NBN: variants seen among roughly 807,000 people sequenced by gnomAD.
The protein encoded by NBN is Nijmegen breakage syndrome 1 (nibrin).
NBN carries 88 observed loss-of-function variants against 90.8 expected under a neutral mutation model. The observed-to-expected ratio is 0.97, with a 90% confidence interval of 0.82 to 1.16. The LOEUF is 1.16. Ranked by LOEUF, NBN falls within the 50% of genes most tolerant of loss-of-function variation. NBN has a pLI of 0.00. For missense variants in NBN, 894 were observed against 869.6 expected (o/e 1.03, Z -0.35); for synonymous variants, 328 against 295.1 (o/e 1.11, Z -1.14).
intron 14 of NBN, among the ~76,000 whole-genome samples, chr8:89,937,795 T>G (rs1208751650): frequency 1.3e-5 from 2 of 152,210 alleles, no homozygotes; most frequent in Non-Finnish European, 2.9e-5. Context: ...TCGTGGACTC[T>G]GTATGCCGGT....
chr8:89,952,572 C>T (rs553610297), intron 11 of NBN, among the ~76,000 whole-genome samples: 1 of 147,076 alleles, frequency 6.8e-6, no homozygotes, highest in Admixed American at 6.7e-5. Context: ...TTAATCCTAT[C>T]CTTTCGCCTA....
chr8:89,935,519 T>C lies in NBN; in HGVS notation c.*63A>G. The C allele has an allele frequency of 6.3e-7, 1 of 1,597,696 alleles. No individual in the cohort carries two copies. The highest frequency in any genetic ancestry group is 1.3e-5 in the African/African-American group (1 of 74,712). ...CTATACACTATATATTCATATAACC[T>C]TGTTGGCCTGAAGTAGATGCTTACT... On this transcript the variant is annotated 3_prime_UTR_variant, in exon 16 of 16. Transcript: ENST00000265433.
intron 8 of NBN, 116 bp from the exon 9 acceptor site, chr8:89,958,970 C>T (rs940540460): frequency 2.4e-5 from 33 of 1,360,462 alleles, no homozygotes; most frequent in Admixed American, 2.3e-4. Flanking sequence ...GGGAATACTG[C>T]ACATGGTTTT....
chr8:89,967,835 T>C (rs1380238862), intron 7 of NBN, among the ~76,000 whole-genome samples: 1 of 152,178 alleles, frequency 6.6e-6, no homozygotes, highest in Non-Finnish European at 1.5e-5. Flanking sequence ...CCTGTTGAAG[T>C]TCGGTCAATA....
intron 14 of NBN, among the ~76,000 whole-genome samples, chr8:89,941,221 T>C (rs1809933547): frequency 6.6e-6 from 1 of 152,120 alleles, no homozygotes; most frequent in Non-Finnish European, 1.5e-5. Context: ...CAAAACAGCA[T>C]ACTATATGTC....
rs752964949 is a variant in NBN at position 89,982,817 on chromosome 8, C to G, written c.76G>C (p.Val26Leu). Reference sequence around the variant, plus strand: ...AGAATGGCACAGTTTTTCCTTCCAACAACGTACTCAACGCCAGTCAAAAGT... The same window carrying G: ...AGAATGGCACAGTTTTTCCTTCCAAGAACGTACTCAACGCCAGTCAAAAGT... Reference protein sequence around the residue: ...YRLLTGVEYVVGRKNCAILIE... With the variant: ...YRLLTGVEYVLGRKNCAILIE... The change falls in exon 2 of 16, where the codon GTT becomes CTT. Residue 26 changes from valine (V) to leucine (L), a missense_variant. Coordinates refer to ENST00000265433, the MANE Select transcript of NBN (RefSeq NM_002485.5). 2 of 1,613,602 alleles carry G rather than the reference C, an allele frequency of 1.2e-6. No homozygotes were observed. The highest frequency in any genetic ancestry group is 4.5e-5 in the East Asian group (2 of 44,852).
chr8:89,971,075 C>A, intron 6 of NBN, 98 bp downstream of exon 6: 1 of 1,349,398 alleles, frequency 7.4e-7, no homozygotes. Context: ...TACACAAAAT[C>A]CCAAAATGAA....
chr8:89,967,022 G>A (rs1025925134), intron 7 of NBN, among the ~76,000 whole-genome samples: 14 of 152,270 alleles, frequency 9.2e-5, no homozygotes, highest in African/African-American at 3.1e-4. Flanking sequence ...GCAGGTCCTC[G>A]AATAACATCA....
Position 89,933,988 on chromosome 8 carries a change from G to C in NBN, c.*1594C>G. On this transcript the variant is annotated 3_prime_UTR_variant, in exon 16 of 16. Transcript: ENST00000265433. ...TACTGACAACACCAATATTTGTAAAGACAGGAGGTACCAGAACTCTCATTC... is the reference window on the plus strand; with the variant it reads ...TACTGACAACACCAATATTTGTAAACACAGGAGGTACCAGAACTCTCATTC... 4.3e-6 allele frequency: 1 copy of C among 231,220 alleles called. No individual in the cohort carries two copies. Among genetic ancestry groups the C allele is most frequent in the Non-Finnish European group, 8.6e-6 (1 of 116,870 alleles). The allele number at this position is 231,220 out of a possible 1,614,324, so 14.3% of individuals were successfully genotyped here. A position where few individuals can be genotyped will look rare whatever the true frequency, so the allele number is the denominator to read the frequency against.
chr8:89,955,440 T>G lies in NBN; in HGVS notation c.1240A>C (p.Asn414His). 1 of 1,613,882 alleles carries G rather than the reference T, an allele frequency of 6.2e-7. No homozygotes were observed. Among genetic ancestry groups the G allele is most frequent in the Non-Finnish European group, 8.5e-7 (1 of 1,179,842 alleles). ...KESCKTSSNN[N>H]SMVSNTLAKM... ...GCCAAAGTATTTGATACCATACTATTATTATTAGAGCTTGTTTTGCAGGAC... is the reference window on the plus strand; with the variant it reads ...GCCAAAGTATTTGATACCATACTATGATTATTAGAGCTTGTTTTGCAGGAC... Residue 414 changes from asparagine (N) to histidine (H), a missense_variant, in exon 10 of 16, where the codon AAT becomes CAT. Coordinates refer to ENST00000265433, the MANE Select transcript of NBN (RefSeq NM_002485.5).
At chr8:89,963,342 T>A (rs1379843436) in intron 8 of NBN, among the ~76,000 whole-genome samples, 1 of 152,200 alleles carries the variant, frequency 6.6e-6, no homozygotes, top group Non-Finnish European at 1.5e-5. Flanking sequence ...AATCTGGTAG[T>A]GCTGTTCTCT....
rs1554559041 is a variant in NBN, at chr8:89,955,317, T to C, written c.1363A>G (p.Ile455Val). The change falls in exon 10 of 16, where the codon ATC (isoleucine) becomes GTC (valine). Residue 455 changes from isoleucine (I) to valine (V), a missense_variant. By Grantham distance (29) the Ile-to-Val change is conservative (BLOSUM62 3). Coordinates refer to ENST00000265433, the MANE Select transcript of NBN (RefSeq NM_002485.5). ...RASQQQQTNS[I>V]RNYFQPSTKK... is the part of the protein sequence containing the mutation. ...GTAGACGGCTGAAAGTAGTTTCTGA[T>C]GGAGTTGGTCTGCTGCTGCTGAGAA... is the stretch of plus-strand genomic sequence containing the variant. 1 of 1,613,896 alleles carries C rather than the reference T, an allele frequency of 6.2e-7. No homozygotes were observed. The highest frequency in any genetic ancestry group is 1.7e-5 in the Admixed American group (1 of 60,012).
At position 89,955,357 on chromosome 8, in the gene NBN, T is replaced by C; in HGVS notation, c.1323A>G (p.Lys441=). 1.9e-6 allele frequency: 3 copies of C among 1,613,866 alleles called. No individual in the cohort carries two copies. Among genetic ancestry groups the C allele is most frequent in the Non-Finnish European group, 2.5e-6 (3 of 1,179,812 alleles). ...LSPTKLPSIN[K]SKDRASQQQQ... ...GCTGCTGAGAAGCCCTATCTTTACT[T>C]TTATTTATACTTGGCAATTTAGTTG... The change falls in exon 10 of 16, where the codon AAA becomes AAG. Residue 441 remains lysine (K), a synonymous_variant. Coordinates refer to ENST00000265433, the MANE Select transcript of NBN (RefSeq NM_002485.5).
chr8:89,933,971 A>G lies in NBN; in HGVS notation c.*1611T>C. The G allele has an allele frequency of 4.3e-6, 1 of 231,556 alleles. No individual in the cohort carries two copies. Among genetic ancestry groups the G allele is most frequent in the Non-Finnish European group, 8.5e-6 (1 of 117,070 alleles). The allele number at this position is 231,556 out of a possible 1,614,324, so 14.3% of individuals were successfully genotyped here. A position where few individuals can be genotyped will look rare whatever the true frequency, so the allele number is the denominator to read the frequency against. On this transcript the variant is annotated 3_prime_UTR_variant, in exon 16 of 16. Transcript: ENST00000265433. Reference sequence around the variant, plus strand: ...TGGTTAAAAAGGAAAAATACTGACAACACCAATATTTGTAAAGACAGGAGG... The same window carrying G: ...TGGTTAAAAAGGAAAAATACTGACAGCACCAATATTTGTAAAGACAGGAGG...
chr8:89,979,760 A>G (rs563806937), intron 4 of NBN, among the ~76,000 whole-genome samples: 1 of 152,294 alleles, frequency 6.6e-6, no homozygotes, highest in Non-Finnish European at 1.5e-5. Context: ...TAATGGAGCA[A>G]TTCACAAGGT....
In NBN at chr8:89,953,411, C is replaced by T; in HGVS notation, c.1678G>A (p.Asp560Asn). The change falls in exon 11 of 16, where the codon GAT becomes AAT. Residue 560 changes from aspartate to asparagine, a missense_variant. Physicochemically the swap from Asp to Asn is conservative, Grantham distance 23 (BLOSUM62 1). Coordinates refer to ENST00000265433, the MANE Select transcript of NBN (RefSeq NM_002485.5). The stretch of plus-strand genomic sequence containing the variant: ...TTGAATAACTGTTCCAATACTTCAT[C>T]TTCTATGGCCACATCATCCATTTCC... ...KREMDDVAIEDEVLEQLFKDT... is the reference protein window; with the variant it reads ...KREMDDVAIENEVLEQLFKDT... 6.2e-7 allele frequency: 1 copy of T among 1,613,804 alleles called. No individual in the cohort carries two copies. Among genetic ancestry groups the T allele is most frequent in the Non-Finnish European group, 8.5e-7 (1 of 1,179,848 alleles).
At position 89,943,301 on chromosome 8, in the gene NBN, A is replaced by G. The variant is rs1429343146; in HGVS notation, c.2136T>C (p.His712=). 6.2e-7 allele frequency: 1 copy of G among 1,613,496 alleles called. No homozygotes were observed. The highest frequency in any genetic ancestry group is 8.5e-7 in the Non-Finnish European group (1 of 1,179,638). ...CTTCTAGTTCTGTATTCTTTCGAGC[A>G]TGATGAGCTATTAGATCTGATCCTC... ...IIGGSDLIAH[H]ARKNTELEEW... is the part of the protein sequence containing the mutation. Residue 712 remains histidine (H), a synonymous_variant, in exon 14 of 16, where the codon CAT becomes CAC. Coordinates refer to ENST00000265433, the MANE Select transcript of NBN (RefSeq NM_002485.5).
chr8:89,969,446 T>C (rs867790180), intron 7 of NBN, among the ~76,000 whole-genome samples: 4 of 152,362 alleles, frequency 2.6e-5, no homozygotes, highest in African/African-American at 7.2e-5. Context: ...CCTTTTACCG[T>C]TGAGTTTTAA....
At position 89,955,982 on chromosome 8, in the gene NBN, G is replaced by T. The variant is rs573961905; in HGVS notation, c.1125-427C>A. The stretch of plus-strand genomic sequence containing the variant: ...TTATAGTACCTTTTTATTAAAAATG[G>T]AAAATCAGAATAAAATCACATATAA... On this transcript the variant is annotated intron_variant, in intron 9 of 15. Transcript: ENST00000265433. 2.0e-4 allele frequency among the ~76,000 whole-genome samples: 31 copies of T among 151,432 alleles called. 1 individual carries two copies. In the South Asian group the frequency reaches 6.2e-3, roughly 30 times the overall value.
Sources: allele counts gnomAD v4.1 joint callset (sites outside exome capture counted in the v4.1 genomes callset), GRCh38; gene constraint gnomAD v4.1.1; transcripts MANE v1.5; gene names NCBI Gene and HGNC (gene_info 2026-07-23, HGNC 2026-07-21).